The following KDM2A variants were observed in gnomAD, a reference collection of about 807,000 sequenced individuals.
KDM2A encodes the protein lysine demethylase 2A.
In KDM2A, 3 loss-of-function variants were observed where a neutral mutation model predicts 137.3. That is an observed-to-expected ratio of 0.02 (90% CI 0.01 to 0.06). KDM2A has a LOEUF of 0.06. Among genes scored for constraint, KDM2A ranks in the 10% least tolerant of loss-of-function variants. The probability of loss-of-function intolerance (pLI) is 1.00; values close to 1 mark genes in which losing one functional copy is unlikely to be tolerated. For missense variants in KDM2A, 738 were observed against 1,510.6 expected, an observed-to-expected ratio of 0.49 and a Z score of 8.48; for synonymous variants, 512 against 541.5, an observed-to-expected ratio of 0.95 and a Z score of 0.76.
At chr11:67,228,414 G>T (rs1240361707) in intron 11 of KDM2A, among the ~76,000 whole-genome samples, 2 of 152,122 alleles carry the variant, frequency 1.3e-5, no homozygotes, top group African/African-American at 2.4e-5. Flanking sequence ...TGATCAAGCC[G>T]GACACGCTGG....
intron 11 of KDM2A, among the ~76,000 whole-genome samples, chr11:67,229,763 G>A (rs982204157): frequency 4.6e-5 from 7 of 151,956 alleles, no homozygotes; most frequent in African/African-American, 9.7e-5. Context: ...CCAGGTACTC[G>A]GGAGGCTGTG....
intron 2 of KDM2A, among the ~76,000 whole-genome samples, chr11:67,136,616 A>G (rs1190708177): frequency 1.3e-5 from 2 of 152,192 alleles, no homozygotes; most frequent in Non-Finnish European, 2.9e-5. Context: ...GATCAGTGAA[A>G]GGCTTCTTGA....
At position 67,180,334 on chromosome 11, in the gene KDM2A, A is replaced by T. The variant is rs1337289506; in HGVS notation, c.181+117A>T. 2.8e-6 allele frequency: 3 copies of T among 1,079,762 alleles called. No homozygotes were observed. The African/African-American group carries it at 4.8e-5, about 17-fold the overall frequency. The allele number at this position is 1,079,762 out of a possible 1,614,324, so 66.9% of individuals were successfully genotyped here. On this transcript the variant is annotated intron_variant, in intron 3 of 20. Transcript: ENST00000529006. ...TATTGCCTGTTGATGTTATCTATCT[A>T]TTTTCTCTTGTTATACAATGCCATT...
At chr11:67,192,660 G>A (rs1857386097) in intron 5 of KDM2A, among the ~76,000 whole-genome samples, 2 of 151,660 alleles carry the variant, frequency 1.3e-5, no homozygotes, top group South Asian at 2.1e-4. Context: ...GGGCAGGCTG[G>A]TCTCAAACTC....
chr11:67,255,108 C>T lies in KDM2A; in HGVS notation c.*53C>T, dbSNP rs374414971. 1.6e-5 allele frequency: 24 copies of T among 1,514,076 alleles called. No homozygotes were observed. Among genetic ancestry groups the T allele is most frequent in the Admixed American group, 5.7e-5 (3 of 52,330 alleles). The allele number at this position is 1,514,076 out of a possible 1,614,324, so 93.8% of individuals were successfully genotyped here. On this transcript the variant is annotated 3_prime_UTR_variant, in exon 21 of 21. Coordinates refer to ENST00000529006, the MANE Select transcript of KDM2A (RefSeq NM_012308.3). ...AACCGATCTTCCCCTGACTCCCCAC[C>T]GAGGAGAGCCTCTCCTCGACCCTGC...
At position 67,240,453 on chromosome 11, in the gene KDM2A, AAC is replaced by A. The variant is rs1286843974; in HGVS notation, c.1480-2555_1480-2554del. 22 of 1,187,342 alleles carry A rather than the reference AAC, an allele frequency of 1.9e-5. No individual in the cohort carries two copies. In the East Asian group the frequency reaches 5.6e-4, roughly 30 times the overall value. 73.6% of individuals were successfully genotyped at this position (1,187,342 alleles called of 1,614,324 possible). Reference sequence around the variant, plus strand: ...TTTGTCTCAGTGAAGAGGCAGGAGAAACTGCCTGCCGGGCGAGTCCAGGACAA... The same window carrying A: ...TTTGTCTCAGTGAAGAGGCAGGAGAATGCCTGCCGGGCGAGTCCAGGACAA... On this transcript the variant is annotated intron_variant, in intron 12 of 20. Transcript: ENST00000529006.
chr11:67,161,824 C>T (rs1021383332), intron 2 of KDM2A, among the ~76,000 whole-genome samples: 3 of 152,118 alleles, frequency 2.0e-5, no homozygotes, highest in Non-Finnish European at 4.4e-5. Flanking sequence ...GTAGAGGTTT[C>T]TAGAACTATA....
At position 67,245,931 on chromosome 11, in the gene KDM2A, A is replaced by C; in HGVS notation, c.1834-54A>C. On this transcript the variant is annotated intron_variant, in intron 14 of 20. Coordinates refer to ENST00000529006, the MANE Select transcript of KDM2A (RefSeq NM_012308.3). This position sits in a 1 kb window ranked among gnomAD's most constrained non-coding sequence, Gnocchi z 4.1. ...CCCATCTTCAGTTTAAGGGAAACTG[A>C]AATGATAAAGATCTGAGTCAGTTCT... 1.2e-6 allele frequency: 2 copies of C among 1,600,772 alleles called. No homozygotes were observed. Among genetic ancestry groups the C allele is most frequent in the Non-Finnish European group, 1.7e-6 (2 of 1,170,752 alleles).
chr11:67,224,570 C>T (rs1214481940), intron 10 of KDM2A, among the ~76,000 whole-genome samples: 1 of 146,174 alleles, frequency 6.8e-6, no homozygotes, highest in Admixed American at 7.0e-5. Flanking sequence ...TGGGTTCACA[C>T]CATTCTCCTG....
chr11:67,210,810 T>C (rs1463664876), intron 6 of KDM2A, among the ~76,000 whole-genome samples: 1 of 152,214 alleles, frequency 6.6e-6, no homozygotes, highest in Non-Finnish European at 1.5e-5. Context: ...TTTCAAAATC[T>C]TAATAATGGA....
intron 12 of KDM2A, chr11:67,240,057 A>G (rs1012598716): frequency 3.0e-6 from 4 of 1,313,328 alleles, no homozygotes; most frequent in South Asian, 4.7e-5. Flanking sequence ...GTTGCAAAGC[A>G]TTTCTGGGAG....
intron 12 of KDM2A, among the ~76,000 whole-genome samples, chr11:67,233,284 C>A (rs1017842011): frequency 6.7e-6 from 1 of 149,026 alleles, no homozygotes; most frequent in African/African-American, 2.5e-5. Context: ...TTTGAGAGGC[C>A]AAGGTGGGAG....
chr11:67,221,201 G>A (rs1456510841), intron 10 of KDM2A, among the ~76,000 whole-genome samples: 1 of 152,138 alleles, frequency 6.6e-6, no homozygotes, highest in African/African-American at 2.4e-5. Context: ...ATGATACTGG[G>A]ATTAAACAGC....
chr11:67,141,682 A>AT (rs1276401227), intron 2 of KDM2A, among the ~76,000 whole-genome samples: 39 of 119,328 alleles, frequency 3.3e-4, no homozygotes, highest in East Asian at 7.0e-4. Flanking sequence ...AAAAAAAAAA[A>AT]ATATATATAT....
At chr11:67,226,589 G>A (rs1172678449) in intron 10 of KDM2A, among the ~76,000 whole-genome samples, 2 of 152,116 alleles carry the variant, frequency 1.3e-5, no homozygotes, top group East Asian at 3.9e-4. Flanking sequence ...GGGCGTGGTG[G>A]CGGGCGCTTG....
At chr11:67,214,588 C>T (rs919190180) in intron 6 of KDM2A, among the ~76,000 whole-genome samples, 1 of 152,184 alleles carries the variant, frequency 6.6e-6, no homozygotes, top group African/African-American at 2.4e-5. Flanking sequence ...ATCCGCCTGC[C>T]TTGGCCTCCC....
chr11:67,244,183 T>A (rs1481987764), intron 13 of KDM2A, among the ~76,000 whole-genome samples: 1 of 152,196 alleles, frequency 6.6e-6, no homozygotes, highest in Non-Finnish European at 1.5e-5. Context: ...ATTCAGTCAT[T>A]TCTGGTTGTT....
In KDM2A at chr11:67,245,883, A is replaced by C; in HGVS notation, c.1834-102A>C. ...GCCTCCATGCTTCCAGGTGTTTAGT[A>C]GAGAATTATAGGACCCAAATCTCCC... On this transcript the variant is annotated intron_variant, in intron 14 of 20. Coordinates refer to ENST00000529006, the MANE Select transcript of KDM2A (RefSeq NM_012308.3). This position sits in a 1 kb window ranked among gnomAD's most constrained non-coding sequence, Gnocchi z 4.1. 1.5e-6 allele frequency: 2 copies of C among 1,369,140 alleles called. No individual in the cohort carries two copies. Among genetic ancestry groups the C allele is most frequent in the Non-Finnish European group, 2.0e-6 (2 of 991,660 alleles). The allele number at this position is 1,369,140 out of a possible 1,614,324, so 84.8% of individuals were successfully genotyped here.
At position 67,132,699 on chromosome 11, in the gene KDM2A, T is replaced by G. The variant is rs527400391; in HGVS notation, c.42+11341T>G. 3.3e-5 allele frequency among the ~76,000 whole-genome samples: 5 copies of G among 152,274 alleles called. No individual in the cohort carries two copies. The East Asian group carries it at 9.6e-4, about 29-fold the overall frequency. ...AATTCAAATAGCTTGCCTTTTGAGG[T>G]GACAGGAACCCTGAACTCTTAAGGC... On this transcript the variant is annotated intron_variant, in intron 2 of 20. Coordinates refer to ENST00000529006, the MANE Select transcript of KDM2A (RefSeq NM_012308.3).
Sources: gnomAD v4.1 joint callset for allele counts (sites outside exome capture counted in the v4.1 genomes callset) on GRCh38, gnomAD v4.1.1 for gene constraint, Gnocchi (gnomAD v3.1) non-coding constraint, MANE v1.5 for transcripts, NCBI Gene and HGNC (gene_info 2026-07-23, HGNC 2026-07-21) for gene names.